The following EXOC6B variants were observed in gnomAD, a reference collection of about 807,000 sequenced individuals.
EXOC6B encodes SEC15 homolog B.
Under a neutral mutation model 113.5 loss-of-function variants are expected in EXOC6B, and 54 were observed. The ratio of observed to expected loss-of-function variants is 0.48; its 90% CI spans 0.38 to 0.60. The LOEUF (loss-of-function observed/expected upper bound fraction) is 0.60. Among genes scored for constraint, EXOC6B ranks in the 20% least tolerant of loss-of-function variants. EXOC6B has a pLI of 0.00. For missense variants in EXOC6B, 797 were observed against 977.5 expected (o/e 0.82, Z 2.46); for synonymous variants, 357 against 339.0 (o/e 1.05, Z -0.58).
intron 20 of EXOC6B, among the ~76,000 whole-genome samples, chr2:72,260,865 C>A (rs188169983): frequency 6.6e-6 from 1 of 152,100 alleles, no homozygotes. Context: ...TTTCTCTAAA[C>A]CATTGATTTA....
At chr2:72,447,298 TA>T (rs1287260452) in intron 18 of EXOC6B, among the ~76,000 whole-genome samples, 1 of 152,184 alleles carries the variant, frequency 6.6e-6, no homozygotes, top group Non-Finnish European at 1.5e-5. Flanking sequence ...TTTGTATCAT[TA>T]AAACTTAACA....
intron 20 of EXOC6B, among the ~76,000 whole-genome samples, chr2:72,295,469 G>A (rs973230096): frequency 6.6e-6 from 1 of 152,156 alleles, no homozygotes; most frequent in Non-Finnish European, 1.5e-5. Context: ...TTCCTGTAAA[G>A]GGCCAGAGAG....
intron 18 of EXOC6B, among the ~76,000 whole-genome samples, chr2:72,449,481 ATT>A (rs61544524): frequency 0.02 from 2,780 of 138,932 alleles, 71 homozygotes; most frequent in African/African-American, 0.065. Context: ...AGCATTGTCA[ATT>A]TTTTTTTTTT....
chr2:72,513,691 A>G (rs1478205314), intron 10 of EXOC6B, among the ~76,000 whole-genome samples: 2 of 151,942 alleles, frequency 1.3e-5, no homozygotes, highest in Non-Finnish European at 2.9e-5. Context: ...TAAGAATCCA[A>G]TGCACAAAAT....
At chr2:72,781,875 G>A (rs540043250) in intron 1 of EXOC6B, among the ~76,000 whole-genome samples, 2 of 152,022 alleles carry the variant, frequency 1.3e-5, no homozygotes, top group South Asian at 2.1e-4. Flanking sequence ...GCAGTGGTTC[G>A]CACTTGTAAT....
At chr2:72,675,595 C>T (rs1353114774) in intron 6 of EXOC6B, among the ~76,000 whole-genome samples, 5 of 152,078 alleles carry the variant, frequency 3.3e-5, no homozygotes, top group Middle Eastern at 3.2e-3. Flanking sequence ...GAGTTTGAGA[C>T]CAGCCTGGGA....
At chr2:72,609,898 GA>G (rs963498350) in intron 6 of EXOC6B, among the ~76,000 whole-genome samples, 13 of 151,930 alleles carry the variant, frequency 8.6e-5, no homozygotes, top group African/African-American at 2.9e-4. Flanking sequence ...TATATTTAGG[GA>G]AAAAACAATT....
Position 72,526,728 on chromosome 2 carries a change from A to G in EXOC6B, c.916-11602T>C, listed in dbSNP as rs916537780. Among the ~76,000 whole-genome samples, 3 of 152,060 alleles carry G rather than the reference A, an allele frequency of 2.0e-5. No individual in the cohort carries two copies. The South Asian group carries it at 6.2e-4, about 31-fold the overall frequency. On this transcript the variant is annotated intron_variant, in intron 8 of 21. Coordinates refer to ENST00000272427, the MANE Select transcript of EXOC6B (RefSeq NM_015189.3). ...TGAGACAGAATATGTAAAAACAGAG[A>G]AAGTGGATAAATATTAGATCTATAT...
chr2:72,453,912 G>T (rs1388703925), intron 18 of EXOC6B, among the ~76,000 whole-genome samples: 1 of 152,162 alleles, frequency 6.6e-6, no homozygotes, highest in East Asian at 1.9e-4. Context: ...GGCTGGTCAG[G>T]CCTCAGGAAA....
chr2:72,726,350 T>C lies in EXOC6B; in HGVS notation c.464+4657A>G, dbSNP rs148796699. Among the ~76,000 whole-genome samples, 70 of 152,302 alleles carry C rather than the reference T, an allele frequency of 4.6e-4. 2 individuals are homozygous for C. The highest frequency in any genetic ancestry group is 3.4e-3 in the Middle Eastern group (1 of 294). On this transcript the variant is annotated intron_variant, in intron 5 of 21. Coordinates refer to ENST00000272427, the MANE Select transcript of EXOC6B (RefSeq NM_015189.3). ...CAACTGTACACTTAAAAATGATGAATGTTATGATATATGAATTGTAATTCA... is the reference window on the plus strand; with the variant it reads ...CAACTGTACACTTAAAAATGATGAACGTTATGATATATGAATTGTAATTCA...
At chr2:72,393,593 A>G (rs1692525942) in intron 18 of EXOC6B, among the ~76,000 whole-genome samples, 1 of 152,166 alleles carries the variant, frequency 6.6e-6, no homozygotes, top group Admixed American at 6.5e-5. Context: ...CACAATTAGA[A>G]ACCAAAATGA....
At chr2:72,214,386 G>C (rs1367326290) in intron 20 of EXOC6B, among the ~76,000 whole-genome samples, 1 of 151,824 alleles carries the variant, frequency 6.6e-6, no homozygotes, top group African/African-American at 2.4e-5. Context: ...AGCTACTCGG[G>C]AGGCTGAGGC....
intron 11 of EXOC6B, among the ~76,000 whole-genome samples, chr2:72,505,246 C>G (rs943490329): frequency 6.6e-6 from 1 of 152,100 alleles, no homozygotes; most frequent in Non-Finnish European, 1.5e-5. Context: ...TTTTATCCAC[C>G]TGAAATTCAA....
At chr2:72,707,757 T>C (rs755667699) in intron 6 of EXOC6B, among the ~76,000 whole-genome samples, 3 of 152,158 alleles carry the variant, frequency 2.0e-5, no homozygotes, top group Non-Finnish European at 4.4e-5. Context: ...TAGGACAATG[T>C]GTTTCTGCCT....
Position 72,515,446 on chromosome 2 carries a change from G to A in EXOC6B, c.916-320C>T, listed in dbSNP as rs1231515737. On this transcript the variant is annotated intron_variant, in intron 8 of 21. Transcript: ENST00000272427. Reference sequence around the variant, plus strand: ...TGCAGGGAAACCAACCTTTCCATAAGTTATGATAACAGGTAAGAAAATGCT... The same window carrying A: ...TGCAGGGAAACCAACCTTTCCATAAATTATGATAACAGGTAAGAAAATGCT... The A allele has an allele frequency of 6.3e-6, 7 of 1,107,156 alleles. No homozygotes were observed. In the South Asian group the frequency reaches 1.9e-4, roughly 30 times the overall value. The allele number at this position is 1,107,156 out of a possible 1,614,324, so 68.6% of individuals were successfully genotyped here.
intron 6 of EXOC6B, among the ~76,000 whole-genome samples, chr2:72,648,816 G>A (rs541250880): frequency 4.3e-3 from 1 of 232 alleles, no homozygotes; most frequent in East Asian, 0.083. Flanking sequence ...GAAAAATGTT[G>A]CAATGTTCTC....
At chr2:72,252,565 A>G (rs757180941) in intron 20 of EXOC6B, among the ~76,000 whole-genome samples, 1 of 152,232 alleles carries the variant, frequency 6.6e-6, no homozygotes, top group Non-Finnish European at 1.5e-5. Flanking sequence ...TGGTTCTACT[A>G]TAAACTTTGT....
At chr2:72,366,281 A>G (rs1056787750) in intron 19 of EXOC6B, among the ~76,000 whole-genome samples, 2 of 116,618 alleles carry the variant, frequency 1.7e-5, no homozygotes, top group Non-Finnish European at 3.8e-5. Context: ...ATATAAAAGT[A>G]AAAAAAAAAA....
At chr2:72,253,497 T>C (rs982673332) in intron 20 of EXOC6B, among the ~76,000 whole-genome samples, 5 of 152,328 alleles carry the variant, frequency 3.3e-5, no homozygotes, top group Admixed American at 2.6e-4. Context: ...ATATATGTCA[T>C]AGAATACTAT....
Sources: gnomAD v4.1 joint callset for allele counts (sites outside exome capture counted in the v4.1 genomes callset) on GRCh38, gnomAD v4.1.1 for gene constraint, MANE v1.5 for transcripts, NCBI Gene and HGNC (gene_info 2026-07-23, HGNC 2026-07-21) for gene names.